Variants in INPP4B observed in about 807,000 individuals in gnomAD.
The protein encoded by INPP4B is inositol polyphosphate 4-phosphatase type II.
INPP4B carries 55 observed loss-of-function variants against 122.5 expected under a neutral mutation model. The observed-to-expected ratio is 0.45, with a 90% CI of 0.36 to 0.56. The LOEUF is 0.56. Among genes scored for constraint, INPP4B ranks in the 20% least tolerant of loss-of-function variants. The pLI is 0.00. For missense variants in INPP4B, 1,000 were observed against 1,097.7 expected (o/e 0.91, Z 1.26); for synonymous variants, 403 against 388.7 (o/e 1.04, Z -0.43).
chr4:142,065,334 C>T (rs9991789), intron 25 of INPP4B, among the ~76,000 whole-genome samples: 3,770 of 152,046 alleles, frequency 0.025, 175 homozygotes, highest in African/African-American at 0.087. Context: ...TGGCCCTGAG[C>T]TTTTTAGTAG....
chr4:142,277,901 C>T (rs1206812420), intron 9 of INPP4B, among the ~76,000 whole-genome samples: 4 of 151,780 alleles, frequency 2.6e-5, no homozygotes, highest in African/African-American at 7.3e-5. Context: ...ACTTTAGCAA[C>T]TTGGGGGAAA....
chr4:142,462,051 C>A (rs1229572029), intron 3 of INPP4B, among the ~76,000 whole-genome samples: 1 of 152,134 alleles, frequency 6.6e-6, no homozygotes, highest in Non-Finnish European at 1.5e-5. Flanking sequence ...CACTATTCTT[C>A]TTTCAATTAT....
intron 25 of INPP4B, among the ~76,000 whole-genome samples, chr4:142,063,981 A>G (rs896116512): frequency 2.6e-5 from 4 of 152,312 alleles, no homozygotes; most frequent in Admixed American, 6.5e-5. Flanking sequence ...GGATTGCATA[A>G]TGGAAGGTTA....
At chr4:142,565,181 C>G (rs1254028635) in intron 2 of INPP4B, among the ~76,000 whole-genome samples, 1 of 152,118 alleles carries the variant, frequency 6.6e-6, no homozygotes. Flanking sequence ...TTCTAAATAC[C>G]ACTCTCCAAT....
intron 12 of INPP4B, among the ~76,000 whole-genome samples, chr4:142,217,442 T>C (rs1478758225): frequency 6.6e-6 from 1 of 152,186 alleles, no homozygotes; most frequent in Non-Finnish European, 1.5e-5. Flanking sequence ...TTTCCTAAAA[T>C]TTAGGATAAA....
At chr4:142,427,475 A>G (rs1283159221) in intron 5 of INPP4B, 7 of 682,338 alleles carry the variant, frequency 1.0e-5, no homozygotes, top group Non-Finnish European at 1.9e-5. Flanking sequence ...TCTTGATTCA[A>G]ATCTGGAAAT....
intron 9 of INPP4B, among the ~76,000 whole-genome samples, chr4:142,294,525 G>T (rs1302256000): frequency 6.6e-6 from 1 of 151,984 alleles, no homozygotes; most frequent in Non-Finnish European, 1.5e-5. Flanking sequence ...ATAAAAAAAT[G>T]GTGGGGAAAA....
At chr4:142,675,194 ACCACC>A (rs1757569661) in intron 2 of INPP4B, among the ~76,000 whole-genome samples, 1 of 152,174 alleles carries the variant, frequency 6.6e-6, no homozygotes, top group South Asian at 2.1e-4. Context: ...AGAAATACAA[ACCACC>A]GTCAGAGAAT....
In INPP4B at chr4:142,704,792, T is replaced by A. The variant is rs139822296; in HGVS notation, c.-191+21047A>T. ...CTCTCCCTCAAGCCCTTGCTCCTGA[T>A]AGTCACTGCATTTATTCTTACCACT... On this transcript the variant is annotated intron_variant, in intron 2 of 25. Coordinates refer to ENST00000262992, the MANE Select transcript of INPP4B (RefSeq NM_001101669.3). 2.4e-3 allele frequency among the ~76,000 whole-genome samples: 367 copies of A among 152,348 alleles called. 2 individuals are homozygous for A. The highest frequency in any genetic ancestry group is 8.0e-3 in the African/African-American group (331 of 41,578).
intron 2 of INPP4B, chr4:142,467,915 A>G (rs1818099251): frequency 6.6e-6 from 1 of 152,108 alleles, no homozygotes; most frequent in Non-Finnish European, 1.5e-5. Context: ...GTTATTTAAA[A>G]GAAAGTGGCA....
intron 2 of INPP4B, among the ~76,000 whole-genome samples, chr4:142,704,194 C>A (rs1307794015): frequency 1.3e-5 from 2 of 152,054 alleles, no homozygotes; most frequent in African/African-American, 4.8e-5. Flanking sequence ...AAAAACAAAA[C>A]AAAACAAGCT....
intron 2 of INPP4B, among the ~76,000 whole-genome samples, chr4:142,720,101 A>C (rs1419998697): frequency 6.6e-6 from 1 of 152,250 alleles, no homozygotes; most frequent in African/African-American, 2.4e-5. Flanking sequence ...ATAATTCGTC[A>C]TTGTCATCTC....
At chr4:142,191,553 C>G (rs1835839019) in intron 15 of INPP4B, among the ~76,000 whole-genome samples, 1 of 152,306 alleles carries the variant, frequency 6.6e-6, no homozygotes, top group African/African-American at 2.4e-5. Context: ...TTTGAATTAA[C>G]TTCCAACTCC....
At chr4:142,441,267 A>G (rs1349635501) in intron 3 of INPP4B, among the ~76,000 whole-genome samples, 1 of 152,208 alleles carries the variant, frequency 6.6e-6, no homozygotes, top group East Asian at 1.9e-4. Context: ...ATGAGGGTTA[A>G]GCCAAGATAG....
intron 23 of INPP4B, among the ~76,000 whole-genome samples, chr4:142,105,498 C>A (rs1327300002): frequency 2.0e-5 from 3 of 152,006 alleles, no homozygotes; most frequent in African/African-American, 4.8e-5. Context: ...AATATTTAGT[C>A]CACAAATGCT....
chr4:142,093,713 A>G (rs557648256), intron 23 of INPP4B, among the ~76,000 whole-genome samples: 1 of 152,314 alleles, frequency 6.6e-6, no homozygotes, highest in South Asian at 2.1e-4. Flanking sequence ...AAGAACAGAC[A>G]AAACTCCACC....
intron 23 of INPP4B, among the ~76,000 whole-genome samples, chr4:142,104,575 T>C (rs966621855): frequency 1.3e-5 from 2 of 152,112 alleles, no homozygotes; most frequent in East Asian, 1.9e-4. Flanking sequence ...GTCTGAGAGC[T>C]GCATCACATA....
intron 2 of INPP4B, among the ~76,000 whole-genome samples, chr4:142,720,775 C>CA (rs1482887494): frequency 1.1e-3 from 14 of 13,134 alleles, no homozygotes; most frequent in African/African-American, 1.8e-3. Context: ...CTCTCTCTCT[C>CA]TCTCTCTCTC....
chr4:142,576,928 T>C (rs1301141465), intron 2 of INPP4B, among the ~76,000 whole-genome samples: 1 of 152,072 alleles, frequency 6.6e-6, no homozygotes, highest in Non-Finnish European at 1.5e-5. Flanking sequence ...ATAAGAGTGA[T>C]GTGTCCATGT....
Sources: allele counts gnomAD v4.1 joint callset (sites outside exome capture counted in the v4.1 genomes callset), GRCh38; gene constraint gnomAD v4.1.1; transcripts MANE v1.5; gene names NCBI Gene and HGNC (gene_info 2026-07-23, HGNC 2026-07-21).